The following MYO10 variants were observed in gnomAD, a reference collection of about 807,000 sequenced individuals.
MYO10 encodes the protein unconventional myosin-X.
MYO10 carries 133 observed loss-of-function variants against 257.3 expected under a neutral mutation model. The ratio of observed to expected loss-of-function variants is 0.52; its 90% CI spans 0.45 to 0.60. MYO10 has a LOEUF of 0.60. MYO10 is among the 20% of genes least tolerant of loss of function. The pLI is 0.00. For synonymous variants in MYO10, 1,104 were observed against 1,028.6 expected (o/e 1.07, Z -1.40); for missense variants, 2,399 against 2,635.7 (o/e 0.91, Z 1.97).
In MYO10 at chr5:16,680,025, C is replaced by G; in HGVS notation, c.4464G>C (p.Trp1488Cys). ...YTKLLNEATR[W>C]SSAIQNVTDT... ...CAGTCACGTTTTGAATGGCACTGGACCACCGGGTGGCCTCGTTGAGCAGCT... is the reference window on the plus strand; with the variant it reads ...CAGTCACGTTTTGAATGGCACTGGAGCACCGGGTGGCCTCGTTGAGCAGCT... The change falls in exon 33 of 41, where the codon TGG becomes TGC. Residue 1488 changes from tryptophan (W) to cysteine (C), a missense_variant. Physicochemically the swap from Trp to Cys is radical, Grantham distance 215. Coordinates refer to ENST00000513610, the MANE Select transcript of MYO10 (RefSeq NM_012334.3). The G allele has an allele frequency of 6.2e-7, 1 of 1,613,886 alleles. No homozygotes were observed. The highest frequency in any genetic ancestry group is 8.5e-7 in the Non-Finnish European group (1 of 1,179,860).
intron 9 of MYO10, among the ~76,000 whole-genome samples, chr5:16,770,843 A>G (rs1028942045): frequency 6.6e-6 from 1 of 152,176 alleles, no homozygotes; most frequent in African/African-American, 2.4e-5. Flanking sequence ...ATCTCGGCTC[A>G]CCGCACCCCG....
At chr5:16,711,413 A>T (rs1014772670) in intron 19 of MYO10, among the ~76,000 whole-genome samples, 168 bp from the exon 20 acceptor site, 1 of 152,202 alleles carries the variant, frequency 6.6e-6, no homozygotes, top group Admixed American at 6.5e-5. Context: ...CAGTGGAACC[A>T]TCACCTCGCC....
chr5:16,777,390 A>T (rs947186524), intron 9 of MYO10, among the ~76,000 whole-genome samples: 1 of 152,210 alleles, frequency 6.6e-6, no homozygotes, highest in African/African-American at 2.4e-5. Flanking sequence ...AAGGAGACAC[A>T]TGTTAGCCAT....
chr5:16,759,395 C>T (rs1041987006), intron 17 of MYO10, among the ~76,000 whole-genome samples: 2 of 152,266 alleles, frequency 1.3e-5, no homozygotes, highest in Non-Finnish European at 2.9e-5. Flanking sequence ...TTTGCCCCAA[C>T]CTTTTTCATT....
chr5:16,779,928 G>GT, intron 8 of MYO10, among the ~76,000 whole-genome samples: 1 of 152,260 alleles, frequency 6.6e-6, no homozygotes, highest in South Asian at 2.1e-4. Flanking sequence ...ATGAAACAGA[G>GT]TCTAGCTCTG....
chr5:16,759,222 C>T (rs188885902), intron 17 of MYO10, among the ~76,000 whole-genome samples: 513 of 152,282 alleles, frequency 3.4e-3, no homozygotes, highest in African/African-American at 0.012. Flanking sequence ...CGCGCCCGCC[C>T]AGCCTTCAAT....
In MYO10 at chr5:16,713,484, G is replaced by A. The variant is rs572854194; in HGVS notation, c.1930-2239C>T. On this transcript the variant is annotated intron_variant, in intron 19 of 40. Transcript: ENST00000513610. ...CCTGTGCTTTAAAAAGTGCCCGGTCGCCATGACAACCCCTTCCATTCTCGG... is the reference window on the plus strand; with the variant it reads ...CCTGTGCTTTAAAAAGTGCCCGGTCACCATGACAACCCCTTCCATTCTCGG... The A allele has an allele frequency of 5.6e-5, 55 of 985,716 alleles. No individual in the cohort carries two copies. In the African/African-American group the frequency reaches 8.0e-4, roughly 14 times the overall value. 61.1% of individuals were successfully genotyped at this position (985,716 alleles called of 1,614,324 possible).
At chr5:16,716,254 A>G (rs1738865669) in intron 19 of MYO10, among the ~76,000 whole-genome samples, 1 of 152,038 alleles carries the variant, frequency 6.6e-6, no homozygotes, top group Non-Finnish European at 1.5e-5. Context: ...ACTATTTCAG[A>G]ATGCCTAGAT....
intron 3 of MYO10, among the ~76,000 whole-genome samples, chr5:16,816,543 T>C (rs532396608): frequency 4.0e-4 from 60 of 151,582 alleles, no homozygotes; most frequent in Middle Eastern, 3.4e-3. Context: ...TTTTCTTTTT[T>C]TTTTTTTTGA....
chr5:16,796,403 AAAAG>A (rs1240619249), intron 3 of MYO10, among the ~76,000 whole-genome samples: 3 of 148,142 alleles, frequency 2.0e-5, no homozygotes, highest in South Asian at 2.1e-4. Flanking sequence ...ACACAAAAGA[AAAAG>A]AAAGGAAAGA....
In MYO10 at chr5:16,936,234, G is replaced by A. The variant is rs867479216; in HGVS notation, c.-426C>T. The A allele has an allele frequency of 2.7e-5, 5 of 186,534 alleles. No individual in the cohort carries two copies. Among genetic ancestry groups the A allele is most frequent in the Admixed American group, 1.3e-4 (2 of 15,698 alleles). The allele number at this position is 186,534 out of a possible 1,614,324, so 11.6% of individuals were successfully genotyped here. ...CAGGAGCCGCGATCCCCGCGCGAGCGCTTGGAGGTGAGCAGTCCCGCGCCG... is the reference window on the plus strand; with the variant it reads ...CAGGAGCCGCGATCCCCGCGCGAGCACTTGGAGGTGAGCAGTCCCGCGCCG... On this transcript the variant is annotated 5_prime_UTR_variant, in exon 1 of 41. Coordinates refer to ENST00000513610, the MANE Select transcript of MYO10 (RefSeq NM_012334.3).
intron 1 of MYO10, among the ~76,000 whole-genome samples, chr5:16,933,769 C>T (rs1034844837): frequency 2.0e-5 from 3 of 152,190 alleles, no homozygotes; most frequent in African/African-American, 7.2e-5. Context: ...ACTATTTAAC[C>T]TCTCTGACTG....
intron 4 of MYO10, among the ~76,000 whole-genome samples, chr5:16,785,180 A>G (rs750857742): frequency 2.0e-5 from 3 of 152,222 alleles, no homozygotes; most frequent in Non-Finnish European, 4.4e-5. Context: ...GTAGTCTGAA[A>G]TAGTAAAAGG....
At chr5:16,756,839 G>A (rs564610055) in intron 18 of MYO10, among the ~76,000 whole-genome samples, 6 of 152,056 alleles carry the variant, frequency 3.9e-5, no homozygotes, top group East Asian at 1.9e-4. Context: ...AGTGGCTCAC[G>A]TCTGTAATTC....
intron 37 of MYO10, among the ~76,000 whole-genome samples, chr5:16,672,467 G>T (rs1240873893): frequency 6.6e-6 from 1 of 152,056 alleles, no homozygotes; most frequent in African/African-American, 2.4e-5. Flanking sequence ...AAGGAATGGG[G>T]TAAAAAACCA....
At position 16,674,960 on chromosome 5, in the gene MYO10, G is replaced by A; in HGVS notation, c.4857C>T (p.His1619=). Residue 1619 remains histidine, a synonymous_variant, in exon 35 of 41, where the codon CAC becomes CAT. Transcript: ENST00000513610. ...TGTACAGGTTGCCCACACTGCCGGG[G>A]TGGGGCACTTTGTTGGTCTGTTTGA... The part of the protein sequence containing the change: ...QLIKQTNKVP[H]PGSVGNLYSW... The A allele has an allele frequency of 6.2e-7, 1 of 1,614,038 alleles. No individual in the cohort carries two copies. Among genetic ancestry groups the A allele is most frequent in the African/African-American group, 1.3e-5 (1 of 75,050 alleles).
intron 21 of MYO10, among the ~76,000 whole-genome samples, chr5:16,705,017 T>C (rs1489741360): frequency 2.0e-5 from 3 of 152,192 alleles, no homozygotes; most frequent in Non-Finnish European, 4.4e-5. Context: ...CATCATGGGC[T>C]GGGACGAATA....
At chr5:16,926,133 T>C (rs547878888) in intron 1 of MYO10, among the ~76,000 whole-genome samples, 4 of 152,344 alleles carry the variant, frequency 2.6e-5, no homozygotes, top group African/African-American at 9.6e-5. Flanking sequence ...CACATGTACC[T>C]GGAAAACGTA....
intron 2 of MYO10, among the ~76,000 whole-genome samples, chr5:16,871,107 A>G (rs1744445780): frequency 6.6e-6 from 1 of 152,192 alleles, no homozygotes; most frequent in South Asian, 2.1e-4. Context: ...TTGTGCAACC[A>G]TCACCAGCAT....
Sources: allele counts gnomAD v4.1 joint callset (sites outside exome capture counted in the v4.1 genomes callset), GRCh38; gene constraint gnomAD v4.1.1; transcripts MANE v1.5; gene names NCBI Gene and HGNC (gene_info 2026-07-23, HGNC 2026-07-21).